ARFGEF1: variants seen among roughly 807,000 people sequenced by gnomAD.
ARFGEF1 encodes brefeldin A-inhibited guanine nucleotide-exchange protein 1.
In ARFGEF1, 42 loss-of-function variants were observed where a neutral mutation model predicts 231.0. The ratio of observed to expected loss-of-function variants is 0.18; its 90% CI spans 0.14 to 0.24. The LOEUF is 0.24. ARFGEF1 is among the 10% of genes least tolerant of loss of function. The pLI is 1.00. For missense variants in ARFGEF1, 1,345 were observed against 2,192.0 expected (o/e 0.61, Z 7.72); for synonymous variants, 710 against 732.3 (o/e 0.97, Z 0.49).
At chr8:67,275,933 C>G (rs375931052) in intron 9 of ARFGEF1, 43 bp downstream of exon 9, 1 of 1,608,216 alleles carries the variant, frequency 6.2e-7, no homozygotes, top group Admixed American at 1.7e-5. Flanking sequence ...AAGTTTCAAG[C>G]CTAAAAACCT....
chr8:67,217,994 C>T lies in ARFGEF1; in HGVS notation c.4474+9G>A, dbSNP rs1343827883. Reference sequence around the variant, plus strand: ...AACACTTTGTGTCACATATCTGGTACAGACCTACCTTGCTGCACACACCAG... The same window carrying T: ...AACACTTTGTGTCACATATCTGGTATAGACCTACCTTGCTGCACACACCAG... On this transcript the variant is annotated intron_variant, in intron 31 of 38. Coordinates refer to ENST00000262215, the MANE Select transcript of ARFGEF1 (RefSeq NM_006421.5). The T allele has an allele frequency of 6.2e-7, 1 of 1,612,190 alleles. No individual in the cohort carries two copies. The highest frequency in any genetic ancestry group is 2.2e-5 in the East Asian group (1 of 44,828).
chr8:67,190,597 G>C, intron 5 of ARFGEF1: 1 of 1,341,396 alleles, frequency 7.5e-7, no homozygotes, highest in South Asian at 1.2e-5. Context: ...TTTAGCTCTG[G>C]GTAAGATTTG....
intron 19 of ARFGEF1, among the ~76,000 whole-genome samples, chr8:67,243,236 C>T (rs1839985594): frequency 6.6e-6 from 1 of 152,140 alleles, no homozygotes; most frequent in South Asian, 2.1e-4. Context: ...TCACAATACT[C>T]AAGTATATTA....
intron 7 of ARFGEF1, among the ~76,000 whole-genome samples, chr8:67,279,746 T>C (rs1264705986): frequency 6.6e-6 from 1 of 152,192 alleles, no homozygotes; most frequent in Non-Finnish European, 1.5e-5. Flanking sequence ...AATTTTCTCA[T>C]TTGTAAAGAG....
In ARFGEF1 at chr8:67,198,366, T is replaced by G. The variant is rs962009389; in HGVS notation, c.*568A>C. The G allele has an allele frequency of 6.1e-6, 6 of 984,830 alleles. No individual in the cohort carries two copies. Among genetic ancestry groups the G allele is most frequent in the Non-Finnish European group, 7.2e-6 (6 of 828,994 alleles). The allele number at this position is 984,830 out of a possible 1,614,324, so 61.0% of individuals were successfully genotyped here. On this transcript the variant is annotated 3_prime_UTR_variant, in exon 39 of 39. Coordinates refer to ENST00000262215, the MANE Select transcript of ARFGEF1 (RefSeq NM_006421.5). ...AAACAGTGCAGGAAGAACTATATAA[T>G]GTTTTAAGATTTTTATATTACAGAC...
intron 1 of ARFGEF1, among the ~76,000 whole-genome samples, chr8:67,339,970 A>G (rs569165200): frequency 6.6e-6 from 1 of 152,146 alleles, no homozygotes; most frequent in African/African-American, 2.4e-5. Flanking sequence ...TTAATGAAGT[A>G]AAATTTCCCC....
chr8:67,271,547 CA>C (rs1805100582), intron 10 of ARFGEF1, among the ~76,000 whole-genome samples, 154 bp downstream of exon 10: 1 of 151,968 alleles, frequency 6.6e-6, no homozygotes, highest in Non-Finnish European at 1.5e-5. Flanking sequence ...TTCGTTGGCA[CA>C]TATTAGTTGA....
At chr8:67,277,816 C>T (rs1805374843) in intron 7 of ARFGEF1, among the ~76,000 whole-genome samples, 1 of 152,128 alleles carries the variant, frequency 6.6e-6, no homozygotes, top group East Asian at 1.9e-4. Context: ...ATCTCATTGT[C>T]AAATTAGTTC....
chr8:67,294,165 T>C (rs1806131014), intron 5 of ARFGEF1, among the ~76,000 whole-genome samples: 1 of 152,150 alleles, frequency 6.6e-6, no homozygotes, highest in African/African-American at 2.4e-5. Flanking sequence ...ATTTAAAGTA[T>C]ACAGAGGATG....
intron 7 of ARFGEF1, 149 bp from the exon 8 acceptor site, chr8:67,277,606 C>T: frequency 5.9e-6 from 4 of 678,122 alleles, no homozygotes; most frequent in South Asian, 2.1e-5. Flanking sequence ...AGCATACTTA[C>T]TACTAAATAA....
chr8:67,302,147 T>C (rs1806520410), intron 2 of ARFGEF1, among the ~76,000 whole-genome samples: 1 of 152,182 alleles, frequency 6.6e-6, no homozygotes, highest in South Asian at 2.1e-4. Context: ...TGCAGTGAGC[T>C]GTGATCACAC....
chr8:67,338,178 T>C (rs1808435585), intron 1 of ARFGEF1, among the ~76,000 whole-genome samples: 1 of 152,208 alleles, frequency 6.6e-6, no homozygotes, highest in Admixed American at 6.5e-5. Context: ...TCGATATTTC[T>C]ACTGCTCCTT....
At chr8:67,257,658 A>C (rs1232190292) in intron 17 of ARFGEF1, 74 bp downstream of exon 17, 2 of 1,191,702 alleles carry the variant, frequency 1.7e-6, no homozygotes, top group African/African-American at 3.1e-5. Flanking sequence ...AATTTCAACT[A>C]TTACTTACTG....
chr8:67,176,795 G>T (rs1270696660), intron 5 of ARFGEF1, among the ~76,000 whole-genome samples: 1 of 152,128 alleles, frequency 6.6e-6, no homozygotes, highest in Non-Finnish European at 1.5e-5. Context: ...TCACTGGCCA[G>T]GCGTGGTGGC....
In ARFGEF1 at chr8:67,296,551, T is replaced by C. The variant is rs756364529; in HGVS notation, c.519A>G (p.Gln173=). The C allele has an allele frequency of 3.1e-6, 5 of 1,614,014 alleles. No individual in the cohort carries two copies. In the Admixed American group the frequency reaches 8.3e-5, roughly 27 times the overall value. ...HIEIHEGTVL[Q]AVRTCYNIYL... is the part of the protein sequence containing the mutation. ...AGATATTGTAACATGTTCTCACAGC[T>C]TGCAGTACAGTCCCTTCATGAATTT... Residue 173 remains glutamine, a synonymous_variant, in exon 5 of 39, where the codon CAA becomes CAG. Coordinates refer to ENST00000262215, the MANE Select transcript of ARFGEF1 (RefSeq NM_006421.5).
In ARFGEF1 at chr8:67,299,320, A is replaced by C; in HGVS notation, c.348T>G (p.Ala116=). ...TTTTGCCTGGTGTTGTACTATCTGGAGCATTGCCAGTCAAGTGCCCATAAG... is the reference window on the plus strand; with the variant it reads ...TTTTGCCTGGTGTTGTACTATCTGGCGCATTGCCAGTCAAGTGCCCATAAG... ...LIAYGHLTGN[A]PDSTTPGKKL... Residue 116 remains alanine, a synonymous_variant, in exon 4 of 39, where the codon GCT becomes GCG. Transcript: ENST00000262215. The C allele has an allele frequency of 6.2e-7, 1 of 1,608,180 alleles. No individual in the cohort carries two copies. The highest frequency in any genetic ancestry group is 1.1e-5 in the South Asian group (1 of 89,014).
chr8:67,228,836 T>A (rs1395379311), intron 23 of ARFGEF1, among the ~76,000 whole-genome samples: 2 of 152,118 alleles, frequency 1.3e-5, no homozygotes. Flanking sequence ...CATTCTTCTT[T>A]GCTGAGCTCT....
At chr8:67,184,608 C>T (rs1833917645) in intron 5 of ARFGEF1, among the ~76,000 whole-genome samples, 1 of 151,578 alleles carries the variant, frequency 6.6e-6, no homozygotes, top group South Asian at 2.1e-4. Flanking sequence ...GCCTGTAGTC[C>T]CAGCTATCTG....
At chr8:67,193,791 C>CT (rs1416280289), downstream of ARFGEF1, among the ~76,000 whole-genome samples, 1 of 152,218 alleles carries the variant, frequency 6.6e-6, no homozygotes, top group Non-Finnish European at 1.5e-5. Flanking sequence ...CAGATTTTCT[C>CT]TATCAGAGAG....
Sources: allele counts gnomAD v4.1 joint callset (sites outside exome capture counted in the v4.1 genomes callset), GRCh38; gene constraint gnomAD v4.1.1; transcripts MANE v1.5; gene names NCBI Gene and HGNC (gene_info 2026-07-23, HGNC 2026-07-21).